Variants in STRN3 observed in about 807,000 individuals in gnomAD.
STRN3 encodes the protein striatin-3.
Under a neutral mutation model 95.6 loss-of-function variants are expected in STRN3, and 29 were observed. The observed-to-expected ratio is 0.30, with a 90% confidence interval of 0.23 to 0.41. STRN3 has a LOEUF of 0.41. STRN3 is among the 10% of genes least tolerant of loss of function. The pLI, the probability that STRN3 is intolerant of heterozygous loss-of-function variation, is 1.00. For synonymous variants in STRN3, 331 were observed against 357.6 expected (o/e 0.93, Z 0.84); for missense variants, 890 against 972.1 (o/e 0.92, Z 1.12).
chr14:31,003,305 G>C (rs1212583120), intron 1 of STRN3, among the ~76,000 whole-genome samples: 3 of 150,224 alleles, frequency 2.0e-5, no homozygotes, highest in Non-Finnish European at 4.4e-5. Flanking sequence ...AAGTGGTTAA[G>C]ATGGTAAATT....
At position 30,947,071 on chromosome 14, in the gene STRN3, T is replaced by C; in HGVS notation, c.716+19A>G. 1 of 1,536,574 alleles carries C rather than the reference T, an allele frequency of 6.5e-7. No homozygotes were observed. The highest frequency in any genetic ancestry group is 1.3e-5 in the South Asian group (1 of 79,226). ...TCCATAATATCCATTATATAAACTA[T>C]GTTAAGTATAAATCATACCTTTTTA... On this transcript the variant is annotated intron_variant, in intron 5 of 17. Transcript: ENST00000357479.
intron 1 of STRN3, among the ~76,000 whole-genome samples, chr14:31,014,028 G>A (rs1403977041): frequency 6.6e-6 from 1 of 151,354 alleles, no homozygotes; most frequent in Non-Finnish European, 1.5e-5. Flanking sequence ...CCGGTTTCCC[G>A]AGTAGCTAGG....
At chr14:30,972,081 G>T (rs1423634823) in intron 1 of STRN3, among the ~76,000 whole-genome samples, 3 of 152,146 alleles carry the variant, frequency 2.0e-5, no homozygotes, top group South Asian at 2.1e-4. Context: ...TCTTTTCAAA[G>T]AATATGTCAG....
chr14:31,025,790 A>G, intron 1 of STRN3, 114 bp downstream of exon 1: 1 of 1,406,220 alleles, frequency 7.1e-7, no homozygotes, highest in Non-Finnish European at 9.6e-7. Flanking sequence ...CAGCACAGGT[A>G]GGTTCCGCTC....
intron 13 of STRN3, among the ~76,000 whole-genome samples, chr14:30,907,718 T>C (rs531892314): frequency 2.6e-4 from 39 of 152,330 alleles, no homozygotes; most frequent in African/African-American, 8.4e-4. Flanking sequence ...GGTTTATCCA[T>C]GTTGGAGCAT....
rs1191963792 is a variant in STRN3, at chr14:30,929,954, C to CAAAAA, written c.989-648_989-644dup. Among the ~76,000 whole-genome samples the CAAAAA allele has an allele frequency of 3.1e-3, 125 of 39,978 alleles. 12 individuals are homozygous for CAAAAA. The highest frequency in any genetic ancestry group is 0.021 in the South Asian group (33 of 1,550). 26.2% of individuals were successfully genotyped at this position (39,978 alleles called of 152,430 possible). On this transcript the variant is annotated intron_variant, in intron 7 of 17. Coordinates refer to ENST00000357479, the MANE Select transcript of STRN3 (RefSeq NM_001083893.2). ...TCCATTGGTCTACAACTAAGATTAGCAAAAAAAAAAAAAAAAAAAAAAAAA... is the reference window on the plus strand; with the variant it reads ...TCCATTGGTCTACAACTAAGATTAGCAAAAAAAAAAAAAAAAAAAAAAAAAAAAAA...
chr14:30,965,768 C>CAAAAAAA (rs57644568), intron 1 of STRN3, among the ~76,000 whole-genome samples: 2 of 103,762 alleles, frequency 1.9e-5, no homozygotes, highest in Non-Finnish European at 3.9e-5. Context: ...AACTCCATCT[C>CAAAAAAA]AAAAAAAAAA....
intron 13 of STRN3, among the ~76,000 whole-genome samples, chr14:30,908,951 C>T (rs1896538202): frequency 6.6e-6 from 1 of 152,218 alleles, no homozygotes; most frequent in Non-Finnish European, 1.5e-5. Context: ...TATTTGTCAT[C>T]CTTTAACATG....
chr14:30,966,266 G>A (rs936485437), intron 1 of STRN3, among the ~76,000 whole-genome samples: 4 of 152,186 alleles, frequency 2.6e-5, no homozygotes, highest in Admixed American at 6.5e-5. Flanking sequence ...CCAAGTGTGC[G>A]CTCACCATTG....
chr14:31,007,084 C>T (rs561973206), intron 1 of STRN3, among the ~76,000 whole-genome samples: 76 of 152,264 alleles, frequency 5.0e-4, no homozygotes, highest in Middle Eastern at 3.4e-3. Flanking sequence ...GGTTAAGTCC[C>T]TAACATTTAC....
chr14:30,973,338 G>T (rs1260743106), intron 1 of STRN3, among the ~76,000 whole-genome samples: 10 of 151,410 alleles, frequency 6.6e-5, no homozygotes, highest in Admixed American at 6.6e-4. Context: ...TTAGGTGGGG[G>T]GGAGGGGGAG....
At chr14:30,985,306 CAA>C (rs60601878) in intron 1 of STRN3, among the ~76,000 whole-genome samples, 170 of 127,996 alleles carry the variant, frequency 1.3e-3, no homozygotes, top group Non-Finnish European at 1.3e-3. Flanking sequence ...AAAACTCCGC[CAA>C]AAAAAAAAAA....
rs113171963 is a variant in STRN3, at chr14:30,936,046, G to A, written c.846+449C>T. On this transcript the variant is annotated intron_variant, in intron 6 of 17. Transcript: ENST00000357479. ...TAGATAAACCTGTTTCTTAGGTTATGAGCAAAAGTAAATTTTTATTATTCT... is the reference window on the plus strand; with the variant it reads ...TAGATAAACCTGTTTCTTAGGTTATAAGCAAAAGTAAATTTTTATTATTCT... Among the ~76,000 whole-genome samples, 4 of 152,304 alleles carry A rather than the reference G, an allele frequency of 2.6e-5. 1 individual carries two copies. The highest frequency in any genetic ancestry group is 7.2e-5 in the African/African-American group (3 of 41,560).
chr14:31,023,737 C>A (rs114390337), intron 1 of STRN3, among the ~76,000 whole-genome samples: 1 of 151,698 alleles, frequency 6.6e-6, no homozygotes, highest in Non-Finnish European at 1.5e-5. Context: ...TTTTAAAATA[C>A]GCATCTCACA....
At position 30,904,279 on chromosome 14, in the gene STRN3, T is replaced by G. The variant is rs545236770; in HGVS notation, c.2029+1139A>C. ...ACAACCAAAGTCATGGCAAAAGGAC[T>G]CAGGAGCCAACATGAGCCCCACTGA... On this transcript the variant is annotated intron_variant, in intron 15 of 17. Transcript: ENST00000357479. Among the ~76,000 whole-genome samples, 70 of 152,278 alleles carry G rather than the reference T, an allele frequency of 4.6e-4. 1 individual carries two copies. The highest frequency in any genetic ancestry group is 1.4e-3 in the Admixed American group (21 of 15,292).
intron 1 of STRN3, among the ~76,000 whole-genome samples, chr14:31,002,166 C>CAA (rs757001835): frequency 0.36 from 7,010 of 19,208 alleles, 2,066 homozygotes; most frequent in Non-Finnish European, 0.46. Context: ...AATTCCATCT[C>CAA]AAAAAAAAAA....
chr14:30,918,358 A>T (rs1566434699), intron 9 of STRN3, among the ~76,000 whole-genome samples: 1 of 151,964 alleles, frequency 6.6e-6, no homozygotes, highest in Admixed American at 6.6e-5. Flanking sequence ...AATACAAAAA[A>T]TTGGCCGGGG....
At chr14:30,981,887 G>A (rs891537602) in intron 1 of STRN3, among the ~76,000 whole-genome samples, 1 of 151,998 alleles carries the variant, frequency 6.6e-6, no homozygotes, top group Admixed American at 6.6e-5. Flanking sequence ...TTGCAGTCAG[G>A]AGTTCGAGAC....
chr14:31,026,030 C>A lies in STRN3; in HGVS notation c.156G>T (p.Ala52=), dbSNP rs1186819099. The A allele has an allele frequency of 6.5e-7, 1 of 1,538,486 alleles. No individual in the cohort carries two copies. The highest frequency in any genetic ancestry group is 1.9e-4 in the Middle Eastern group (1 of 5,298). Residue 52 remains alanine (A), a synonymous_variant, in exon 1 of 18, where the codon GCG becomes GCT. Coordinates refer to ENST00000357479, the MANE Select transcript of STRN3 (RefSeq NM_001083893.2). The part of the protein sequence containing the change: ...GPPASEGAGP[A]AGPELSRPQQ... Reference sequence around the variant, plus strand: ...GCGGCCGGGACAGCTCGGGGCCTGCCGCGGGACCCGCTCCCTCGGAGGCCG... The same window carrying A: ...GCGGCCGGGACAGCTCGGGGCCTGCAGCGGGACCCGCTCCCTCGGAGGCCG...
Sources: gnomAD v4.1 joint callset for allele counts (sites outside exome capture counted in the v4.1 genomes callset) on GRCh38, gnomAD v4.1.1 for gene constraint, MANE v1.5 for transcripts, NCBI Gene and HGNC (gene_info 2026-07-23, HGNC 2026-07-21) for gene names.